Variants in SGTA observed in about 807,000 individuals in gnomAD.
SGTA encodes the protein small glutamine rich tetratricopeptide repeat co-chaperone alpha.
In SGTA, 22 loss-of-function variants were observed where a neutral mutation model predicts 44.3. That is an observed-to-expected ratio of 0.50 (90% CI 0.36 to 0.71). The LOEUF (loss-of-function observed/expected upper bound fraction) is 0.71. Ranked by LOEUF, SGTA falls within the 30% of genes least tolerant of loss-of-function variation. SGTA has a pLI of 0.00. For synonymous variants in SGTA, 174 were observed against 177.6 expected (o/e 0.98, Z 0.16); for missense variants, 341 against 435.9 (o/e 0.78, Z 1.94).
chr19:2,772,959 C>T (rs1452235976), intron 1 of SGTA, among the ~76,000 whole-genome samples: 2 of 54,202 alleles, frequency 3.7e-5, no homozygotes, highest in African/African-American at 2.0e-4. Flanking sequence ...GCAGGGACAC[C>T]GAGGGCAGAG....
In SGTA at chr19:2,757,734, G is replaced by C; in HGVS notation, c.786C>G (p.Gly262=). 6.2e-7 allele frequency: 1 copy of C among 1,604,172 alleles called. No individual in the cohort carries two copies. Among genetic ancestry groups the C allele is most frequent in the East Asian group, 2.2e-5 (1 of 44,604 alleles). Residue 262 remains glycine, a synonymous_variant, in exon 10 of 12, where the codon GGC becomes GGG. Transcript: ENST00000221566. The part of the protein sequence containing the change: ...SGGNNPLGTP[G]TSPSQNDLAS... ...CCAGGTCGTTCTGCGAGGGGCTGGT[G>C]CCGGGAGTTCCCAAGGGGTTGTTGC...
At chr19:2,756,613 C>G (rs958363584) in intron 11 of SGTA, among the ~76,000 whole-genome samples, 5 of 152,076 alleles carry the variant, frequency 3.3e-5, no homozygotes, top group African/African-American at 9.7e-5. Flanking sequence ...AATGGAAACA[C>G]CTCTGGGGAG....
At chr19:2,776,371 G>T (rs2144740163) in intron 1 of SGTA, among the ~76,000 whole-genome samples, 1 of 152,362 alleles carries the variant, frequency 6.6e-6, no homozygotes, top group Non-Finnish European at 1.5e-5. Context: ...ACGCAGCCAT[G>T]AAAAGGAAAT....
chr19:2,762,111 G>A (rs1407663935), intron 7 of SGTA, among the ~76,000 whole-genome samples: 1 of 152,044 alleles, frequency 6.6e-6, no homozygotes, highest in African/African-American at 2.4e-5. Flanking sequence ...TCACCCCAGG[G>A]CCACAGTCCA....
chr19:2,767,245 C>A lies in SGTA; in HGVS notation c.208-25G>T. 1 of 1,571,390 alleles carries A rather than the reference C, an allele frequency of 6.4e-7. No homozygotes were observed. The highest frequency in any genetic ancestry group is 2.3e-5 in the East Asian group (1 of 43,560). On this transcript the variant is annotated intron_variant, in intron 3 of 11. Coordinates refer to ENST00000221566, the MANE Select transcript of SGTA (RefSeq NM_003021.4). The surrounding 1 kb of genome is among the most constrained non-coding windows in gnomAD (Gnocchi z 7.3). ...CCTGGACCCGGAGGCAAAGGCGGCC[C>A]GCTGTCCTCTCCTCCCAACCTGGCA...
rs764700632 is a variant in SGTA at position 2,757,359 on chromosome 19, T to G, written c.926A>C (p.Asp309Ala). Reference sequence around the variant, plus strand: ...CACGCAGCGTCACTCCTGCTGGTCGTCGTTGCTGGCGCTGGGCGTCCGACT... The same window carrying G: ...CACGCAGCGTCACTCCTGCTGGTCGGCGTTGCTGGCGCTGGGCGTCCGACT... ...IRSRTPSASN[D>A]DQQE The change falls in exon 11 of 12, where the codon GAC becomes GCC. Residue 309 changes from aspartate (D) to alanine (A), a missense_variant. Asp to Ala is a moderately radical substitution (Grantham distance 126). Coordinates refer to ENST00000221566, the MANE Select transcript of SGTA (RefSeq NM_003021.4). 1 of 1,603,534 alleles carries G rather than the reference T, an allele frequency of 6.2e-7. No homozygotes were observed.
chr19:2,768,975 A>C lies in SGTA; in HGVS notation c.94T>G (p.Leu32Val). ...GTGGCAGGCACCCACCTACCTTCCA[A>C]GCTCTCCTGAGCATCGGACGAGAGG... is the stretch of plus-strand genomic sequence containing the variant. ...GGLSSDAQES[L>V]EVAIQCLETA... The change falls in exon 2 of 12, where the codon TTG becomes GTG. Residue 32 changes from leucine to valine, a missense_variant. Physicochemically the swap from Leu to Val is conservative, Grantham distance 32 (BLOSUM62 1). Coordinates refer to ENST00000221566, the MANE Select transcript of SGTA (RefSeq NM_003021.4). 6.2e-7 allele frequency: 1 copy of C among 1,612,756 alleles called. No individual in the cohort carries two copies. The highest frequency in any genetic ancestry group is 1.7e-5 in the Admixed American group (1 of 60,014).
rs4410206 is a variant in SGTA, at chr19:2,780,998, G to A, written c.-24+2235C>T. Among the ~76,000 whole-genome samples the A allele has an allele frequency of 6.8e-3, 1,032 of 152,250 alleles. 10 individuals carry two copies. Among genetic ancestry groups the A allele is most frequent in the African/African-American group, 0.023 (955 of 41,538 alleles). On this transcript the variant is annotated intron_variant, in intron 1 of 11. Transcript: ENST00000221566. ...CTACTCAGGAGGCTGAGGTGGGAGG[G>A]CCTGAGCCTGGGAGGTCGAGGCTGC...
chr19:2,778,569 G>A lies in SGTA; in HGVS notation c.-24+4664C>T, dbSNP rs527945377. On this transcript the variant is annotated intron_variant, in intron 1 of 11. Coordinates refer to ENST00000221566, the MANE Select transcript of SGTA (RefSeq NM_003021.4). ...AGGGTCTCCACCCTACCCCATCCCTGTTACCCTGGGACAGAGCTGAGCAGA... is the reference window on the plus strand; with the variant it reads ...AGGGTCTCCACCCTACCCCATCCCTATTACCCTGGGACAGAGCTGAGCAGA... Among the ~76,000 whole-genome samples, 8 of 150,138 alleles carry A rather than the reference G, an allele frequency of 5.3e-5. No individual in the cohort carries two copies. In the South Asian group the frequency reaches 1.3e-3, roughly 24 times the overall value.
chr19:2,759,271 G>A lies in SGTA; in HGVS notation c.723C>T (p.Pro241=), dbSNP rs750070607. Residue 241 remains proline, a synonymous_variant, in exon 9 of 12, where the codon CCC becomes CCT. Coordinates refer to ENST00000221566, the MANE Select transcript of SGTA (RefSeq NM_003021.4). The stretch of plus-strand genomic sequence containing the variant: ...TTGTCACTTACAGCTGCTGAATCTG[G>A]GGATTGTTCATTAGGTTCGAAGCCT... The part of the protein sequence containing the change: ...MSMASNLMNN[P]QIQQLMSGMI... The A allele has an allele frequency of 8.1e-6, 13 of 1,613,968 alleles. No individual in the cohort carries two copies. The highest frequency in any genetic ancestry group is 1.0e-5 in the Non-Finnish European group (12 of 1,179,974).
At chr19:2,758,724 A>G (rs1443435595) in intron 9 of SGTA, among the ~76,000 whole-genome samples, 1 of 152,222 alleles carries the variant, frequency 6.6e-6, no homozygotes, top group Non-Finnish European at 1.5e-5. Context: ...CAAAAGGTAG[A>G]AACAGCCCAA....
In SGTA at chr19:2,763,630, C is replaced by CGCG. The variant is rs755254371; in HGVS notation, c.497+20_497+22dup. 37 of 1,550,094 alleles carry CGCG rather than the reference C, an allele frequency of 2.4e-5. No individual in the cohort carries two copies. In the Admixed American group the frequency reaches 6.2e-4, roughly 26 times the overall value. ...GAGGGGTCCCGAGAGACTGGAAAGG[C>CGCG]GCGGCCGTGGACAGGCACTCACCCC... On this transcript the variant is annotated intron_variant, in intron 6 of 11. Transcript: ENST00000221566. This position sits in a 1 kb window ranked among gnomAD's most constrained non-coding sequence, Gnocchi z 5.8.
Position 2,761,796 on chromosome 19 carries a change from C to T in SGTA, c.637-274G>A, listed in dbSNP as rs968272342. 6.8e-6 allele frequency among the ~76,000 whole-genome samples: 1 copy of T among 146,652 alleles called. No individual in the cohort carries two copies. Among genetic ancestry groups the T allele is most frequent in the African/African-American group, 2.6e-5 (1 of 39,108 alleles). ...TTATTCCCCGCACAGCGCGACCGCC[C>T]GGGGACGGCACAGTCTATCATCCCG... On this transcript the variant is annotated intron_variant, in intron 7 of 11. Coordinates refer to ENST00000221566, the MANE Select transcript of SGTA (RefSeq NM_003021.4). The surrounding 1 kb of genome is among the most constrained non-coding windows in gnomAD (Gnocchi z 5.7).
chr19:2,766,398 A>C (rs1306065268), intron 4 of SGTA, among the ~76,000 whole-genome samples: 2 of 151,840 alleles, frequency 1.3e-5, no homozygotes, highest in Non-Finnish European at 2.9e-5. Flanking sequence ...CAGGCATTTA[A>C]GCTGTTTTTG....
At chr19:2,772,234 G>GGCC (rs1320141085) in intron 1 of SGTA, among the ~76,000 whole-genome samples, 1 of 152,248 alleles carries the variant, frequency 6.6e-6, no homozygotes, top group African/African-American at 2.4e-5. Context: ...CTGGCCAAGA[G>GGCC]GCCGCCAGCC....
chr19:2,767,088 G>A lies in SGTA; in HGVS notation c.292+48C>T. The stretch of plus-strand genomic sequence containing the variant: ...CCTCTGCGAGGGTCCCACAGCCCCG[G>A]AGTCCAGGTAGGGCGAGGTGTCTGT... On this transcript the variant is annotated intron_variant, in intron 4 of 11. Transcript: ENST00000221566. This position sits in a 1 kb window ranked among gnomAD's most constrained non-coding sequence, Gnocchi z 7.3. 1 of 1,404,780 alleles carries A rather than the reference G, an allele frequency of 7.1e-7. No homozygotes were observed. Among genetic ancestry groups the A allele is most frequent in the Non-Finnish European group, 1.0e-6 (1 of 1,004,642 alleles). 87.0% of individuals were successfully genotyped at this position (1,404,780 alleles called of 1,614,324 possible). A position where few individuals can be genotyped will look rare whatever the true frequency, so the allele number is the denominator to read the frequency against.
At chr19:2,771,437 A>G in intron 1 of SGTA, among the ~76,000 whole-genome samples, 1 of 151,894 alleles carries the variant, frequency 6.6e-6, no homozygotes. Context: ...AAAAAAAATC[A>G]TGATTCCTCG....
intron 1 of SGTA, among the ~76,000 whole-genome samples, chr19:2,772,788 G>C (rs2144735852): frequency 6.8e-6 from 1 of 146,106 alleles, no homozygotes; most frequent in African/African-American, 2.7e-5. Flanking sequence ...CCACACGGCA[G>C]GGACACCGAG....
Position 2,767,533 on chromosome 19 carries a change from G to A in SGTA, c.207+47C>T. 3 of 1,492,570 alleles carry A rather than the reference G, an allele frequency of 2.0e-6. No homozygotes were observed. The highest frequency in any genetic ancestry group is 2.3e-5 in the East Asian group (1 of 44,210). The allele number at this position is 1,492,570 out of a possible 1,614,324, so 92.5% of individuals were successfully genotyped here. On this transcript the variant is annotated intron_variant, in intron 3 of 11. Coordinates refer to ENST00000221566, the MANE Select transcript of SGTA (RefSeq NM_003021.4). This position sits in a 1 kb window ranked among gnomAD's most constrained non-coding sequence, Gnocchi z 7.3. The stretch of plus-strand genomic sequence containing the variant: ...GGGGTCCCCAGGGCTGCCTGCTGTT[G>A]CTGTTCTTATTTTGGGGGCAGTGGC...
Sources: gnomAD v4.1 joint callset for allele counts (sites outside exome capture counted in the v4.1 genomes callset) on GRCh38, gnomAD v4.1.1 for gene constraint, Gnocchi (gnomAD v3.1) non-coding constraint, MANE v1.5 for transcripts, NCBI Gene and HGNC (gene_info 2026-07-23, HGNC 2026-07-21) for gene names.